The following SAXO2 variants were observed in gnomAD, a reference collection of about 807,000 sequenced individuals.
SAXO2 encodes the protein family with sequence similarity 154, member B.
In SAXO2, 17 loss-of-function variants were observed where a neutral mutation model predicts 18.7. The ratio of observed to expected loss-of-function variants is 0.91; its 90% CI spans 0.62 to 1.36. SAXO2 has a LOEUF of 1.36. Ranked by LOEUF, SAXO2 falls within the 40% of genes most tolerant of loss-of-function variation. The probability of loss-of-function intolerance (pLI) is 0.00; values close to 1 mark genes in which losing one functional copy is unlikely to be tolerated. For missense variants in SAXO2, 486 were observed against 562.6 expected (o/e 0.86, Z 1.38); for synonymous variants, 163 against 181.2 (o/e 0.90, Z 0.81).
Position 82,282,574 on chromosome 15 carries a change from G to A in SAXO2, c.889G>A (p.Glu297Lys). The A allele has an allele frequency of 1.2e-6, 2 of 1,614,174 alleles. No homozygotes were observed. The highest frequency in any genetic ancestry group is 2.2e-5 in the South Asian group (2 of 91,068). The change falls in exon 4 of 4, where the codon GAG (glutamate) becomes AAG (lysine). Residue 297 changes from glutamate to lysine, a missense_variant. Coordinates refer to ENST00000682753, the MANE Select transcript of SAXO2 (RefSeq NM_001348699.2). Reference sequence around the variant, plus strand: ...ACCACCTGAGGTCAAGAAAGTACCAGAGTATGTGCCTCCTACAGGTAGCAT... The same window carrying A: ...ACCACCTGAGGTCAAGAAAGTACCAAAGTATGTGCCTCCTACAGGTAGCAT... Reference protein sequence around the residue: ...IPPPEVKKVPEYVPPTGSMLL... With the variant: ...IPPPEVKKVPKYVPPTGSMLL...
At chr15:82,266,141 A>G (rs1203742331) in intron 2 of SAXO2, among the ~76,000 whole-genome samples, 3 of 113,354 alleles carry the variant, frequency 2.6e-5, no homozygotes, top group Non-Finnish European at 6.0e-5. Flanking sequence ...GAGCTAAACA[A>G]CAACAAAAAA....
Position 82,282,794 on chromosome 15 carries a change from C to G in SAXO2, c.1109C>G (p.Ser370Cys), listed in dbSNP as rs201444581. 5.1e-5 allele frequency: 83 copies of G among 1,613,952 alleles called. No individual in the cohort carries two copies. Among genetic ancestry groups the G allele is most frequent in the African/African-American group, 4.0e-5 (3 of 74,934 alleles). Residue 370 changes from serine to cysteine, a missense_variant, in exon 4 of 4, where the codon TCT becomes TGT. Ser to Cys is a moderately radical substitution (Grantham distance 112). Coordinates refer to ENST00000682753, the MANE Select transcript of SAXO2 (RefSeq NM_001348699.2). Reference sequence around the variant, plus strand: ...AAGCAGCAGCAGATTCCCAACCCATCTGGAAAATTTGATGGTTTGAGCACT... The same window carrying G: ...AAGCAGCAGCAGATTCCCAACCCATGTGGAAAATTTGATGGTTTGAGCACT... ...IKKQQQIPNPSGKFDGLSTFR... is the reference protein window; with the variant it reads ...IKKQQQIPNPCGKFDGLSTFR...
chr15:82,282,149 G>A lies in SAXO2; in HGVS notation c.464G>A (p.Ser155Asn), dbSNP rs202091081. The change falls in exon 4 of 4, where the codon AGT (serine) becomes AAT (asparagine). Residue 155 changes from serine to asparagine, a missense_variant. Transcript: ENST00000682753. The stretch of plus-strand genomic sequence containing the variant: ...TATAGAGCTTGGGACCTTCATAAAA[G>A]TGAACTTTATAAGCCAGAACAAACT... ...DDYRAWDLHK[S>N]ELYKPEQTYH... 4.7e-5 allele frequency: 76 copies of A among 1,612,772 alleles called. No homozygotes were observed. In the Admixed American group the frequency reaches 1.2e-3, roughly 26 times the overall value.
At chr15:82,276,195 G>A (rs1355216220) in intron 3 of SAXO2, among the ~76,000 whole-genome samples, 1 of 152,020 alleles carries the variant, frequency 6.6e-6, no homozygotes, top group Non-Finnish European at 1.5e-5. Context: ...TAATGAAGGA[G>A]GTGAAAGATC....
chr15:82,263,154 A>G (rs2075155245), intron 1 of SAXO2: 3 of 1,455,930 alleles, frequency 2.1e-6, no homozygotes, highest in South Asian at 1.4e-5. Context: ...GAGACTCCCA[A>G]TCAAGGATGC....
Position 82,282,179 on chromosome 15 carries a change from AC to A in SAXO2, c.497del (p.Pro166ArgfsTer4), listed in dbSNP as rs780960796. 1 of 1,613,950 alleles carries A rather than the reference AC, an allele frequency of 6.2e-7. No homozygotes were observed. Among genetic ancestry groups the A allele is most frequent in the Admixed American group, 1.7e-5 (1 of 60,004 alleles). ...SELYKPEQTY[H>X]PPTVKFGNST... is the part of the protein sequence containing the mutation. ...CTTTATAAGCCAGAACAAACTTACC[AC>A]CCGCCTACTGTGAAATTTGGAAATT... is the stretch of plus-strand genomic sequence containing the variant. On this transcript the variant is annotated frameshift_variant, in exon 4 of 4. Transcript: ENST00000682753. LOFTEE classifies it low-confidence loss of function (END_TRUNC).
In SAXO2 at chr15:82,271,745, C is replaced by T. The variant is rs376887771; in HGVS notation, c.376C>T (p.Arg126Trp). ...TAAAGTGCAGCCTGTGGCAATAGTC[C>T]GGCCTTTGGAGAGACAAGTTAAAAA... Reference protein sequence around the residue: ...SYKVQPVAIVRPLERQVKKGK... With the variant: ...SYKVQPVAIVWPLERQVKKGK... The change falls in exon 3 of 4, where the codon CGG becomes TGG. Residue 126 changes from arginine to tryptophan, a missense_variant. Physicochemically the swap from Arg to Trp is moderately radical, Grantham distance 101. Transcript: ENST00000682753. 64 of 1,613,946 alleles carry T rather than the reference C, an allele frequency of 4.0e-5. No homozygotes were observed. Among genetic ancestry groups the T allele is most frequent in the Middle Eastern group, 3.3e-4 (2 of 6,084 alleles).
At chr15:82,272,071 C>A in intron 3 of SAXO2, 1 of 377,650 alleles carries the variant, frequency 2.6e-6, no homozygotes, top group South Asian at 5.5e-5. Context: ...ACAAAGGATG[C>A]CATTAAAGAA....
chr15:82,272,594 T>G (rs1217563949), intron 3 of SAXO2, among the ~76,000 whole-genome samples: 1 of 152,118 alleles, frequency 6.6e-6, no homozygotes, highest in Non-Finnish European at 1.5e-5. Flanking sequence ...CAGGCTGGAG[T>G]GCAGTGGCAC....
chr15:82,284,691 A>T lies in SAXO2; in HGVS notation c.*1629A>T, dbSNP rs1209513947. The T allele has an allele frequency of 3.3e-5, 5 of 152,310 alleles. No individual in the cohort carries two copies. The highest frequency in any genetic ancestry group is 1.3e-4 in the Admixed American group (2 of 15,300). 9.4% of individuals were successfully genotyped at this position (152,310 alleles called of 1,614,324 possible). A position where few individuals can be genotyped will look rare whatever the true frequency, so the allele number is the denominator to read the frequency against. On this transcript the variant is annotated 3_prime_UTR_variant, in exon 4 of 4. Transcript: ENST00000682753. ...CTCTTATTGGGTGGTTTCTTTTTTT[A>T]AAAAAATTAAATAATTGCATTATGG...
At position 82,282,194 on chromosome 15, in the gene SAXO2, A is replaced by G. The variant is rs371793939; in HGVS notation, c.509A>G (p.Lys170Arg). The G allele has an allele frequency of 4.4e-4, 705 of 1,614,062 alleles. 9 individuals carry two copies. In the South Asian group the frequency reaches 7.2e-3, roughly 16 times the overall value. The change falls in exon 4 of 4, where the codon AAA (lysine) becomes AGA (arginine). Residue 170 changes from lysine (K) to arginine (R), a missense_variant. Lys to Arg is a conservative substitution (Grantham distance 26). Coordinates refer to ENST00000682753, the MANE Select transcript of SAXO2 (RefSeq NM_001348699.2). ...CAAACTTACCACCCGCCTACTGTGA[A>G]ATTTGGAAATTCAACTACATTTCAG... ...PEQTYHPPTVKFGNSTTFQDD... is the reference protein window; with the variant it reads ...PEQTYHPPTVRFGNSTTFQDD...
chr15:82,280,657 C>T (rs926256447), intron 3 of SAXO2, among the ~76,000 whole-genome samples: 1 of 152,154 alleles, frequency 6.6e-6, no homozygotes, highest in African/African-American at 2.4e-5. Context: ...CTCTGATTGC[C>T]ACTTTACTAA....
At chr15:82,265,318 A>G (rs745493796) in intron 1 of SAXO2, among the ~76,000 whole-genome samples, 4 of 151,830 alleles carry the variant, frequency 2.6e-5, no homozygotes, top group Non-Finnish European at 4.4e-5. Context: ...ATTTTTTTGT[A>G]TTTTTAGTAG....
At chr15:82,264,525 A>C in intron 1 of SAXO2, 1 of 615,672 alleles carries the variant, frequency 1.6e-6, no homozygotes, top group Non-Finnish European at 2.9e-6. Context: ...TATATGATAT[A>C]TTGGTCAAGG....
chr15:82,280,658 A>T (rs939104569), intron 3 of SAXO2, among the ~76,000 whole-genome samples: 1 of 152,132 alleles, frequency 6.6e-6, no homozygotes, highest in Non-Finnish European at 1.5e-5. Flanking sequence ...TCTGATTGCC[A>T]CTTTACTAAC....
chr15:82,272,363 G>T (rs1596031801), intron 3 of SAXO2, among the ~76,000 whole-genome samples: 4 of 152,144 alleles, frequency 2.6e-5, no homozygotes, highest in Admixed American at 2.6e-4. Context: ...AATTAGATAG[G>T]CTTATCTACC....
At position 82,282,878 on chromosome 15, in the gene SAXO2, A is replaced by C. The variant is rs751907466; in HGVS notation, c.1193A>C (p.Asn398Thr). 8.1e-6 allele frequency: 13 copies of C among 1,614,024 alleles called. No homozygotes were observed. The highest frequency in any genetic ancestry group is 1.1e-5 in the Non-Finnish European group (13 of 1,179,948). ...CCAACAGAGAGTTGCAAACCTTTAA[A>C]TATTGCTTTTAAGAGTTCTGTTCCA... ...LIPTESCKPL[N>T]IAFKSSVPFD... The change falls in exon 4 of 4, where the codon AAT becomes ACT. Residue 398 changes from asparagine (N) to threonine (T), a missense_variant. By Grantham distance (65) the Asn-to-Thr change is moderately conservative. Coordinates refer to ENST00000682753, the MANE Select transcript of SAXO2 (RefSeq NM_001348699.2).
At chr15:82,279,439 G>A (rs1846910) in intron 3 of SAXO2, among the ~76,000 whole-genome samples, 106,129 of 152,072 alleles carry the variant, frequency 0.7, 38,650 homozygotes, top group African/African-American at 0.9. Context: ...CTTTGTTGAT[G>A]TGTTATTTTC....
rs543371939 is a variant in SAXO2, at chr15:82,268,871, A to T, written c.234-2732A>T. Among the ~76,000 whole-genome samples, 8 of 152,326 alleles carry T rather than the reference A, an allele frequency of 5.3e-5. No individual in the cohort carries two copies. The East Asian group carries it at 1.5e-3, about 29-fold the overall frequency. ...AAAGCTGCTTTGGGTTTGGAGGCATACTTTCTGACACTTAAATAGTCTAAC... is the reference window on the plus strand; with the variant it reads ...AAAGCTGCTTTGGGTTTGGAGGCATTCTTTCTGACACTTAAATAGTCTAAC... On this transcript the variant is annotated intron_variant, in intron 2 of 3. Coordinates refer to ENST00000682753, the MANE Select transcript of SAXO2 (RefSeq NM_001348699.2).
Sources: allele counts gnomAD v4.1 joint callset (sites outside exome capture counted in the v4.1 genomes callset), GRCh38; gene constraint gnomAD v4.1.1; transcripts MANE v1.5; gene names NCBI Gene and HGNC (gene_info 2026-07-23, HGNC 2026-07-21).